The following LYPLAL1 variants were observed in gnomAD, a reference collection of about 807,000 sequenced individuals.
The protein encoded by LYPLAL1 is lysophospholipase-like protein 1.
LYPLAL1 carries 23 observed loss-of-function variants against 19.7 expected under a neutral mutation model. That is an observed-to-expected ratio of 1.17 (90% confidence interval 0.84 to 1.65). The LOEUF (loss-of-function observed/expected upper bound fraction) is 1.65. Ranked by LOEUF, LYPLAL1 falls within the 40% of genes most tolerant of loss-of-function variation. The pLI is 0.00. For missense variants in LYPLAL1, 355 were observed against 279.4 expected, an observed-to-expected ratio of 1.27 and a Z score of -1.93; for synonymous variants, 119 against 96.3, an observed-to-expected ratio of 1.24 and a Z score of -1.38.
the LYPLAL1 span, among the ~76,000 whole-genome samples, chr1:219,441,480 G>A: frequency 6.6e-6 from 1 of 152,152 alleles, no homozygotes; most frequent in Admixed American, 6.6e-5. Context: ...TGTTTAAGAA[G>A]GAAATTGGTA....
At chr1:219,201,503 G>A (rs1658095643) in intron 3 of LYPLAL1, among the ~76,000 whole-genome samples, 1 of 151,654 alleles carries the variant, frequency 6.6e-6, no homozygotes, top group Non-Finnish European at 1.5e-5. Context: ...GGGTTTATGA[G>A]AATAAAATTT....
the LYPLAL1 span, among the ~76,000 whole-genome samples, chr1:219,370,986 C>G: frequency 1.3e-5 from 2 of 152,146 alleles, no homozygotes; most frequent in African/African-American, 2.4e-5. Flanking sequence ...TCCATACAAC[C>G]TTCATTTCTA....
the LYPLAL1 span, among the ~76,000 whole-genome samples, chr1:219,230,460 C>G: frequency 1.1e-3 from 162 of 152,206 alleles, no homozygotes; most frequent in African/African-American, 3.7e-3. Context: ...ATTCATTGGT[C>G]AAGACAAAAT....
the LYPLAL1 span, chr1:219,409,485 A>G: frequency 3.7e-5 from 2 of 54,206 alleles, no homozygotes; most frequent in African/African-American, 9.6e-5. Flanking sequence ...ATTATATTAA[A>G]CAACCTGAAA....
chr1:219,278,142 T>C, the LYPLAL1 span, among the ~76,000 whole-genome samples: 12 of 152,220 alleles, frequency 7.9e-5, no homozygotes, highest in Non-Finnish European at 1.5e-4. Context: ...CAGATTGTTG[T>C]GTAAGCCATT....
chr1:219,265,463 C>T, the LYPLAL1 span, among the ~76,000 whole-genome samples: 1 of 152,096 alleles, frequency 6.6e-6, no homozygotes, highest in African/African-American at 2.4e-5. Flanking sequence ...TAAAACGGCG[C>T]TTGATTGTCA....
chr1:219,282,129 C>A, the LYPLAL1 span, among the ~76,000 whole-genome samples: 1 of 152,078 alleles, frequency 6.6e-6, no homozygotes, highest in African/African-American at 2.4e-5. Context: ...ATCATAATGT[C>A]CTCAAAGATA....
the LYPLAL1 span, among the ~76,000 whole-genome samples, chr1:219,444,585 A>C: frequency 9.4e-4 from 143 of 152,356 alleles, no homozygotes; most frequent in African/African-American, 3.3e-3. Flanking sequence ...TTCCTGTTCT[A>C]TTACCTCACC....
At chr1:219,219,366 T>C in the LYPLAL1 span, among the ~76,000 whole-genome samples, 1 of 152,204 alleles carries the variant, frequency 6.6e-6, no homozygotes, top group Non-Finnish European at 1.5e-5. Context: ...ATTTGTGTTA[T>C]TTCCTTAAAT....
the LYPLAL1 span, among the ~76,000 whole-genome samples, chr1:219,381,768 T>A: frequency 1.1e-3 from 162 of 152,262 alleles, no homozygotes; most frequent in Non-Finnish European, 1.9e-3. Flanking sequence ...ACTAATGGAG[T>A]CCCACTTTAA....
intron 3 of LYPLAL1, among the ~76,000 whole-genome samples, chr1:219,206,842 T>C (rs182172267): frequency 7.9e-5 from 12 of 152,100 alleles, no homozygotes; most frequent in African/African-American, 2.9e-4. Flanking sequence ...TCTTGATAGT[T>C]ATGCTTTTAA....
chr1:219,273,472 G>T, the LYPLAL1 span: 1 of 152,134 alleles, frequency 6.6e-6, no homozygotes, highest in African/African-American at 2.4e-5. Flanking sequence ...TTTTTCTTAG[G>T]CACCTAATGA....
At chr1:219,198,710 A>G (rs1657816530) in intron 3 of LYPLAL1, 1 of 152,164 alleles carries the variant, frequency 6.6e-6, no homozygotes, top group Non-Finnish European at 1.5e-5. Context: ...ATAAGTTTAC[A>G]GCCCAGAAAT....
In LYPLAL1 at chr1:219,193,107, A is replaced by G; in HGVS notation, c.217A>G (p.Ile73Val). 6.2e-7 allele frequency: 1 copy of G among 1,608,092 alleles called. No individual in the cohort carries two copies. The highest frequency in any genetic ancestry group is 1.1e-5 in the South Asian group (1 of 90,788). The change falls in exon 3 of 5, where the codon ATC becomes GTC. Residue 73 changes from isoleucine to valine, a missense_variant. Transcript: ENST00000366928. Reference protein sequence around the residue: ...PRSYTPMKGGISNVWFDRFKI... With the variant: ...PRSYTPMKGGVSNVWFDRFKI... ...ATCATATACTCCTATGAAAGGAGGA[A>G]TCTCCAATGTATGGTTTGACAGATT... is the stretch of plus-strand genomic sequence containing the variant.
At chr1:219,274,052 G>A in the LYPLAL1 span, among the ~76,000 whole-genome samples, 2 of 152,070 alleles carry the variant, frequency 1.3e-5, no homozygotes, top group African/African-American at 4.8e-5. Flanking sequence ...GAACCACCAC[G>A]CCTGGCCCTG....
chr1:219,207,940 T>C (rs973948703), intron 3 of LYPLAL1, among the ~76,000 whole-genome samples: 1 of 152,064 alleles, frequency 6.6e-6, no homozygotes, highest in Non-Finnish European at 1.5e-5. Flanking sequence ...CATCATGGTC[T>C]GTAAGTCTCT....
chr1:219,273,464 T>A, the LYPLAL1 span: 1 of 152,232 alleles, frequency 6.6e-6, no homozygotes. Flanking sequence ...TATTTGTGTT[T>A]TTCTTAGGCA....
the LYPLAL1 span, among the ~76,000 whole-genome samples, chr1:219,329,323 A>G: frequency 6.6e-6 from 1 of 152,220 alleles, no homozygotes; most frequent in Non-Finnish European, 1.5e-5. Flanking sequence ...CCTGAATCAT[A>G]CTGTATCCTT....
At chr1:219,406,687 T>G in the LYPLAL1 span, among the ~76,000 whole-genome samples, 1 of 152,256 alleles carries the variant, frequency 6.6e-6, no homozygotes, top group East Asian at 1.9e-4. Flanking sequence ...AACCCAGATT[T>G]TGTAACCCAT....
Sources: gnomAD v4.1 joint callset for allele counts (sites outside exome capture counted in the v4.1 genomes callset) on GRCh38, gnomAD v4.1.1 for gene constraint, MANE v1.5 for transcripts, NCBI Gene and HGNC (gene_info 2026-07-23, HGNC 2026-07-21) for gene names.